Variants in SZT2 observed in about 807,000 individuals in gnomAD.
SZT2 encodes the protein KICSTOR complex protein SZT2.
A neutral mutation model predicts 404.2 loss-of-function variants in SZT2; 216 were observed. That is an observed-to-expected ratio of 0.53 (90% CI 0.48 to 0.60). The LOEUF (loss-of-function observed/expected upper bound fraction) is 0.60, where lower values mean the gene tolerates loss of function less well. SZT2 is among the 20% of genes least tolerant of loss of function. The pLI is 0.00. For synonymous variants in SZT2, 1,693 were observed against 1,749.9 expected, an observed-to-expected ratio of 0.97 and a Z score of 0.81; for missense variants, 3,857 against 4,459.2, an observed-to-expected ratio of 0.86 and a Z score of 3.85.
Position 43,427,164 on chromosome 1 carries a change from C to T in SZT2, c.3418C>T (p.Pro1140Ser), listed in dbSNP as rs1481573690. The change falls in exon 24 of 72, where the codon CCA becomes TCA. Residue 1140 changes from proline to serine, a missense_variant. Physicochemically the swap from Pro to Ser is moderately conservative, Grantham distance 74. Transcript: ENST00000634258. ...NPQHVFLTFL[P>S]ATFSDVQRLA... ...CCAGCATGTGTTTCTGACTTTTCTC[C>T]CAGCTACCTTCTCAGGTGCCAGCTG... The T allele has an allele frequency of 1.2e-6, 2 of 1,614,056 alleles. No homozygotes were observed. Among genetic ancestry groups the T allele is most frequent in the African/African-American group, 1.3e-5 (1 of 74,930 alleles).
In SZT2 at chr1:43,437,684, A is replaced by C. The variant is rs149812437; in HGVS notation, c.6380A>C (p.Tyr2127Ser). The C allele has an allele frequency of 6.2e-7, 1 of 1,613,352 alleles. No individual in the cohort carries two copies. The highest frequency in any genetic ancestry group is 1.1e-5 in the South Asian group (1 of 91,028). ...LALSRSQEPI[Y>S]SEEASGPRSP... ...CTGTCCCGAAGCCAAGAGCCCATCT[A>C]CTCTGAGGAAGCCTCGGCATGTATC... The change falls in exon 45 of 72, where the codon TAC (tyrosine) becomes TCC (serine). Residue 2127 changes from tyrosine (Y) to serine (S), a missense_variant. Tyr to Ser is a moderately radical substitution (Grantham distance 144, BLOSUM62 -2). This residue lies in a region of SZT2 where 261 missense variants were observed against 372.9 expected (regional missense o/e 0.70). Coordinates refer to ENST00000634258, the MANE Select transcript of SZT2 (RefSeq NM_001365999.1). The surrounding 1 kb of genome is among the most constrained non-coding windows in gnomAD (Gnocchi z 5.3).
intron 29 of SZT2, 29 bp from the exon 30 acceptor site, chr1:43,429,982 T>C: frequency 6.2e-7 from 1 of 1,613,812 alleles, no homozygotes; most frequent in Non-Finnish European, 8.5e-7. Context: ...GTGACTGACA[T>C]TCTAACCTCC....
Position 43,425,441 on chromosome 1 carries a change from T to C in SZT2, c.2646-33T>C, listed in dbSNP as rs990314054. ...TGAGGTTCACTCCCTGCCATGAGGC[T>C]GTGCATTGGACTCAGAGCCCTTCCT... On this transcript the variant is annotated intron_variant, in intron 18 of 71. Transcript: ENST00000634258. The surrounding 1 kb of genome is among the most constrained non-coding windows in gnomAD (Gnocchi z 4.3). 1.2e-6 allele frequency: 2 copies of C among 1,612,674 alleles called. No homozygotes were observed. Among genetic ancestry groups the C allele is most frequent in the African/African-American group, 2.7e-5 (2 of 74,932 alleles).
At position 43,403,691 on chromosome 1, in the gene SZT2, G is replaced by C. The variant is rs1436020317; in HGVS notation, c.244G>C (p.Val82Leu). 5 of 1,614,104 alleles carry C rather than the reference G, an allele frequency of 3.1e-6. No individual in the cohort carries two copies. Among genetic ancestry groups the C allele is most frequent in the Non-Finnish European group, 4.2e-6 (5 of 1,180,034 alleles). ...AGTGGTCCCAAGGCCATTCCTCCTGGTACCTTCCACCCGGGTCACCTTCCT... is the reference window on the plus strand; with the variant it reads ...AGTGGTCCCAAGGCCATTCCTCCTGCTACCTTCCACCCGGGTCACCTTCCT... ...EPVVPRPFLL[V>L]PSTRVTFLAW... The change falls in exon 3 of 72, where the codon GTA (valine) becomes CTA (leucine). Residue 82 changes from valine to leucine, a missense_variant. Val to Leu is a conservative substitution (Grantham distance 32, BLOSUM62 1). This residue lies in a region of SZT2 where 536 missense variants were observed against 637.4 expected (regional missense o/e 0.84). Transcript: ENST00000634258.
In SZT2 at chr1:43,451,260, C is replaced by T; in HGVS notation, c.*780C>T. The T allele has an allele frequency of 1.9e-6, 3 of 1,614,032 alleles. No individual in the cohort carries two copies. The highest frequency in any genetic ancestry group is 2.5e-6 in the Non-Finnish European group (3 of 1,180,022). ...CCCTCACTGGCCAGCCTCTGGGTGG[C>T]CCCGCCTATCCCAGTATGAACGTAG... is the stretch of plus-strand genomic sequence containing the variant. On this transcript the variant is annotated 3_prime_UTR_variant, in exon 72 of 72. Transcript: ENST00000634258.
intron 4 of SZT2, chr1:43,410,533 C>T (rs979368754): frequency 7.8e-5 from 10 of 128,174 alleles, no homozygotes; most frequent in Admixed American, 4.9e-4. Context: ...CCAGCCTGGC[C>T]GACAGAGTAA....
chr1:43,434,454 G>A lies in SZT2; in HGVS notation c.5873G>A (p.Arg1958Gln), dbSNP rs750008761. Residue 1958 changes from arginine (R) to glutamine (Q), a missense_variant, in exon 41 of 72, where the codon CGA (arginine) becomes CAA (glutamine). Coordinates refer to ENST00000634258, the MANE Select transcript of SZT2 (RefSeq NM_001365999.1). ...CRHLQQLLVR[R>Q]VGEICREVNQ... Reference sequence around the variant, plus strand: ...CACCTGCAGCAGCTCCTGGTGAGGCGAGTTGGGGAGATCTGCAGGGAGGTC... The same window carrying A: ...CACCTGCAGCAGCTCCTGGTGAGGCAAGTTGGGGAGATCTGCAGGGAGGTC... 1.6e-5 allele frequency: 25 copies of A among 1,597,286 alleles called. No individual in the cohort carries two copies. The highest frequency in any genetic ancestry group is 1.8e-5 in the Admixed American group (1 of 56,588).
chr1:43,438,923 C>G lies in SZT2; in HGVS notation c.6628-6C>G, dbSNP rs1570701878. 1.2e-6 allele frequency: 2 copies of G among 1,614,198 alleles called. No homozygotes were observed. The highest frequency in any genetic ancestry group is 1.7e-6 in the Non-Finnish European group (2 of 1,180,024). On this transcript the variant is annotated splice_region_variant and splice_polypyrimidine_tract_variant and intron_variant, in intron 47 of 71. Transcript: ENST00000634258. Reference sequence around the variant, plus strand: ...TCAGCTCTGCCCTCTTCTTCCCACTCTGCAGTTCATCCAGCCCCCTGGAAG... The same window carrying G: ...TCAGCTCTGCCCTCTTCTTCCCACTGTGCAGTTCATCCAGCCCCCTGGAAG...
intron 3 of SZT2, chr1:43,404,140 G>A (rs1393973981): frequency 5.2e-5 from 28 of 533,744 alleles, no homozygotes; most frequent in African/African-American, 2.3e-4. Context: ...CCAGGAGGTC[G>A]AGGCTACAGT....
At chr1:43,414,205 G>A (rs578041070) in intron 4 of SZT2, among the ~76,000 whole-genome samples, 5 of 152,078 alleles carry the variant, frequency 3.3e-5, no homozygotes, top group East Asian at 2.0e-4. Context: ...GCTTGAACCC[G>A]GGAGGCGGAG....
chr1:43,431,413 C>T (rs1653859781), intron 34 of SZT2, 41 bp downstream of exon 34: 2 of 1,613,710 alleles, frequency 1.2e-6, no homozygotes. Context: ...TACTGCTTTT[C>T]AATTTCATTT....
In SZT2 at chr1:43,447,985, C is replaced by T; in HGVS notation, c.9563+14C>T. ...GCACGTTCTGCGGTCAGCAGATCCC[C>T]TACCTTGAACATGCCCATTTCCCAG... On this transcript the variant is annotated intron_variant, in intron 68 of 71. Transcript: ENST00000634258. 1 of 1,613,790 alleles carries T rather than the reference C, an allele frequency of 6.2e-7. No homozygotes were observed. The highest frequency in any genetic ancestry group is 8.5e-7 in the Non-Finnish European group (1 of 1,179,938).
intron 65 of SZT2, 163 bp from the exon 66 acceptor site, chr1:43,446,792 G>A (rs1655725813): frequency 2.8e-6 from 2 of 704,322 alleles, no homozygotes; most frequent in East Asian, 2.7e-5. Flanking sequence ...AGGGAGGCTA[G>A]AATGGGGAGG....
chr1:43,434,594 G>A (rs1654272154), intron 41 of SZT2, 109 bp downstream of exon 41: 2 of 1,011,572 alleles, frequency 2.0e-6, no homozygotes, highest in East Asian at 5.3e-5. Context: ...AATAATTATG[G>A]AAAGTTTTTG....
chr1:43,448,271 T>C lies in SZT2; in HGVS notation c.9756T>C (p.Ala3252=). 1 of 1,571,260 alleles carries C rather than the reference T, an allele frequency of 6.4e-7. No homozygotes were observed. Residue 3252 remains alanine (A), a synonymous_variant, in exon 69 of 72, where the codon GCT becomes GCC. Coordinates refer to ENST00000634258, the MANE Select transcript of SZT2 (RefSeq NM_001365999.1). The surrounding 1 kb of genome is among the most constrained non-coding windows in gnomAD (Gnocchi z 4.2). ...PGPAPLFPPL[A]AEVGMARARL... ...CGGCTCCTCTGTTCCCACCACTGGC[T>C]GCAGAGGTGGGCATGGCACGAGCAC...
Position 43,425,800 on chromosome 1 carries a change from G to T in SZT2, c.2815-35G>T. 6.2e-7 allele frequency: 1 copy of T among 1,605,866 alleles called. No homozygotes were observed. Among genetic ancestry groups the T allele is most frequent in the Non-Finnish European group, 8.5e-7 (1 of 1,173,208 alleles). On this transcript the variant is annotated intron_variant, in intron 19 of 71. Coordinates refer to ENST00000634258, the MANE Select transcript of SZT2 (RefSeq NM_001365999.1). The surrounding 1 kb of genome is among the most constrained non-coding windows in gnomAD (Gnocchi z 4.3). ...AACCCAGGGTATCCTGGGCTAAGAG[G>T]GGTTGACTCCTGACCTCTGATGTTC...
chr1:43,407,807 G>A (rs1455144806), intron 4 of SZT2, among the ~76,000 whole-genome samples: 1 of 149,582 alleles, frequency 6.7e-6, no homozygotes, highest in Non-Finnish European at 1.5e-5. Flanking sequence ...TTGTTTCTGG[G>A]TATCGTATTA....
At position 43,425,426 on chromosome 1, in the gene SZT2, TC is replaced by T; in HGVS notation, c.2646-45del. ...GCCTCCTTCCCTCCATGAGGTTCAC[TC>T]CCTGCCATGAGGCTGTGCATTGGAC... On this transcript the variant is annotated intron_variant, in intron 18 of 71. Coordinates refer to ENST00000634258, the MANE Select transcript of SZT2 (RefSeq NM_001365999.1). This position sits in a 1 kb window ranked among gnomAD's most constrained non-coding sequence, Gnocchi z 4.3. 1 of 1,609,168 alleles carries T rather than the reference TC, an allele frequency of 6.2e-7. No individual in the cohort carries two copies. The highest frequency in any genetic ancestry group is 8.5e-7 in the Non-Finnish European group (1 of 1,176,864).
At position 43,439,969 on chromosome 1, in the gene SZT2, A is replaced by G. The variant is rs1396790926; in HGVS notation, c.7131A>G (p.Ala2377=). 2 of 1,614,048 alleles carry G rather than the reference A, an allele frequency of 1.2e-6. No homozygotes were observed. The change falls in exon 51 of 72, where the codon GCA becomes GCG. Residue 2377 remains alanine (A), a synonymous_variant. Transcript: ENST00000634258. This position sits in a 1 kb window ranked among gnomAD's most constrained non-coding sequence, Gnocchi z 4.2. ...AGCTGGAGGAGAAACTCCGAGGAGC[A>G]GCTCGCCAGGCCCTGGCCGATGCCA... ...IVQLEEKLRG[A]ARQALADAII...
Sources: allele counts gnomAD v4.1 joint callset (sites outside exome capture counted in the v4.1 genomes callset), GRCh38; gene constraint gnomAD v4.1.1; regional missense constraint gnomAD v4.1.1; non-coding constraint Gnocchi (gnomAD v3.1); transcripts MANE v1.5; gene names NCBI Gene and HGNC (gene_info 2026-07-23, HGNC 2026-07-21).